Variants in NKAIN2 observed in about 807,000 individuals in gnomAD.
The protein encoded by NKAIN2 is sodium/potassium-transporting ATPase subunit beta-1-interacting protein 2.
Under a neutral mutation model 32.6 loss-of-function variants are expected in NKAIN2, and 14 were observed. The ratio of observed to expected loss-of-function variants is 0.43; its 90% CI spans 0.28 to 0.67. NKAIN2 has a LOEUF of 0.67. Ranked by LOEUF, NKAIN2 falls within the 30% of genes least tolerant of loss-of-function variation. The pLI is 0.17. For synonymous variants in NKAIN2, 80 were observed against 87.2 expected, an observed-to-expected ratio of 0.92 and a Z score of 0.46; for missense variants, 198 against 258.3, an observed-to-expected ratio of 0.77 and a Z score of 1.60.
At chr6:124,719,045 T>A (rs944106844) in intron 4 of NKAIN2, among the ~76,000 whole-genome samples, 11 of 152,226 alleles carry the variant, frequency 7.2e-5, no homozygotes, top group Non-Finnish European at 1.5e-5. Context: ...ATGTAATTTT[T>A]ATTGAGTTTT....
intron 3 of NKAIN2, among the ~76,000 whole-genome samples, chr6:124,449,014 A>T (rs1464389466): frequency 6.6e-6 from 1 of 152,122 alleles, no homozygotes; most frequent in Non-Finnish European, 1.5e-5. Context: ...AAATATATAC[A>T]TAATGTTACC....
chr6:124,736,447 A>T (rs1776946317), intron 4 of NKAIN2, among the ~76,000 whole-genome samples: 1 of 151,972 alleles, frequency 6.6e-6, no homozygotes, highest in South Asian at 2.1e-4. Flanking sequence ...TAGATACAAC[A>T]GCTTTATATT....
chr6:124,011,097 T>C (rs1780302197), intron 1 of NKAIN2, among the ~76,000 whole-genome samples: 1 of 152,210 alleles, frequency 6.6e-6, no homozygotes, highest in Non-Finnish European at 1.5e-5. Context: ...CTCTATGTTT[T>C]AATATCCAAC....
rs972037111 is a variant in NKAIN2 at position 124,804,759 on chromosome 6, C to T, written c.535+13360C>T. Among the ~76,000 whole-genome samples the T allele has an allele frequency of 2.0e-4, 31 of 152,160 alleles. 1 individual carries two copies. Among genetic ancestry groups the T allele is most frequent in the Admixed American group, 1.3e-3 (20 of 15,278 alleles). ...CCTAGTCAAAGAAAGGGGTGACAGACGGCACCTGGAAAATCGGATCACTCC... is the reference window on the plus strand; with the variant it reads ...CCTAGTCAAAGAAAGGGGTGACAGATGGCACCTGGAAAATCGGATCACTCC... On this transcript the variant is annotated intron_variant, in intron 5 of 6. Coordinates refer to ENST00000368417, the MANE Select transcript of NKAIN2 (RefSeq NM_001040214.3).
chr6:124,530,821 A>G (rs1297318987), intron 3 of NKAIN2, among the ~76,000 whole-genome samples: 1 of 152,206 alleles, frequency 6.6e-6, no homozygotes, highest in Non-Finnish European at 1.5e-5. Flanking sequence ...CCAAAGCTCC[A>G]AGAACCATGA....
intron 1 of NKAIN2, among the ~76,000 whole-genome samples, chr6:124,175,110 TC>T (rs1789091198): frequency 6.6e-6 from 1 of 152,134 alleles, no homozygotes; most frequent in South Asian, 2.1e-4. Flanking sequence ...ACTTGGGTTA[TC>T]AAAAGGTGGG....
At chr6:124,657,310 C>T (rs183657528) in intron 3 of NKAIN2, among the ~76,000 whole-genome samples, 11 of 152,198 alleles carry the variant, frequency 7.2e-5, no homozygotes, top group African/African-American at 2.6e-4. Flanking sequence ...ACTTATCTTC[C>T]TTCATGACTT....
intron 3 of NKAIN2, among the ~76,000 whole-genome samples, chr6:124,625,601 T>TTAAA (rs1491317836): frequency 1.2e-4 from 18 of 152,184 alleles, no homozygotes; most frequent in African/African-American, 4.1e-4. Flanking sequence ...TTTCAAACTC[T>TTAAA]TAAATAGCTT....
In NKAIN2 at chr6:124,241,167, T is replaced by C. The variant is rs1280775786; in HGVS notation, c.55-41838T>C. On this transcript the variant is annotated intron_variant, in intron 1 of 6. Coordinates refer to ENST00000368417, the MANE Select transcript of NKAIN2 (RefSeq NM_001040214.3). ...ATTGCTACAAAGATAATAAAATACC[T>C]AGAAATACAACTTACAAGGAATGTA... Among the ~76,000 whole-genome samples, 7 of 152,058 alleles carry C rather than the reference T, an allele frequency of 4.6e-5. No homozygotes were observed. In the East Asian group the frequency reaches 1.2e-3, roughly 25 times the overall value.
At chr6:124,071,055 C>A (rs1299185459) in intron 1 of NKAIN2, among the ~76,000 whole-genome samples, 1 of 152,116 alleles carries the variant, frequency 6.6e-6, no homozygotes. Context: ...CACATTTATT[C>A]ATTTTCTAAA....
chr6:124,687,525 T>C lies in NKAIN2; in HGVS notation c.474+29139T>C, dbSNP rs1345971273. 3.5e-3 allele frequency among the ~76,000 whole-genome samples: 21 copies of C among 6,064 alleles called. No homozygotes were observed. In the South Asian group the frequency reaches 0.12, roughly 36 times the overall value. The allele number at this position is 6,064 out of a possible 152,430, so 4.0% of individuals were successfully genotyped here. ...ATACATGGTATATATTCCATACATA[T>C]ACATACATGGTATATATTCCATACA... On this transcript the variant is annotated intron_variant, in intron 4 of 6. Coordinates refer to ENST00000368417, the MANE Select transcript of NKAIN2 (RefSeq NM_001040214.3).
At chr6:124,009,539 C>A (rs907370100) in intron 1 of NKAIN2, among the ~76,000 whole-genome samples, 30 of 152,004 alleles carry the variant, frequency 2.0e-4, no homozygotes, top group African/African-American at 5.1e-4. Context: ...TGTCTTGTCC[C>A]CCTCCCTCAG....
intron 1 of NKAIN2, among the ~76,000 whole-genome samples, chr6:124,165,063 A>T (rs1425184498): frequency 2.6e-5 from 4 of 152,090 alleles, no homozygotes. Context: ...TAAAATGAAG[A>T]TTACTTTATT....
At chr6:124,083,407 A>T (rs9388299) in intron 1 of NKAIN2, among the ~76,000 whole-genome samples, 14,171 of 151,884 alleles carry the variant, frequency 0.093, 659 homozygotes, top group East Asian at 0.13. Context: ...TTTAAACATA[A>T]AAAAGTATCA....
At chr6:123,840,517 A>G (rs1774825542) in intron 1 of NKAIN2, among the ~76,000 whole-genome samples, 2 of 152,122 alleles carry the variant, frequency 1.3e-5, no homozygotes, top group African/African-American at 2.4e-5. Context: ...ATTGAAGAAA[A>G]ACAATAATAA....
At chr6:124,592,012 G>A (rs1361647332) in intron 3 of NKAIN2, among the ~76,000 whole-genome samples, 1 of 152,166 alleles carries the variant, frequency 6.6e-6, no homozygotes, top group African/African-American at 2.4e-5. Context: ...TAAAGTTAAT[G>A]TTAGGTATTG....
At chr6:124,485,320 G>GC in intron 3 of NKAIN2, among the ~76,000 whole-genome samples, 1 of 152,058 alleles carries the variant, frequency 6.6e-6, no homozygotes, top group Non-Finnish European at 1.5e-5. Flanking sequence ...AAGAACCACT[G>GC]CCCTACATCA....
At chr6:124,611,833 A>G (rs1322966768) in intron 3 of NKAIN2, among the ~76,000 whole-genome samples, 1 of 152,286 alleles carries the variant, frequency 6.6e-6, no homozygotes. Flanking sequence ...CTTGAGGTAT[A>G]CATGTCGGCT....
chr6:124,280,921 C>T lies in NKAIN2; in HGVS notation c.55-2084C>T, dbSNP rs78138560. ...TTATATGCAAAGAATTACAGATTAG[C>T]TTGTTCAGTCTGCACAAACTTGTAA... On this transcript the variant is annotated intron_variant, in intron 1 of 6. Coordinates refer to ENST00000368417, the MANE Select transcript of NKAIN2 (RefSeq NM_001040214.3). Among the ~76,000 whole-genome samples the T allele has an allele frequency of 5.1e-3, 776 of 152,242 alleles. 4 individuals are homozygous for T. The highest frequency in any genetic ancestry group is 0.041 in the East Asian group (212 of 5,178).
Sources: allele counts gnomAD v4.1 joint callset (sites outside exome capture counted in the v4.1 genomes callset), GRCh38; gene constraint gnomAD v4.1.1; transcripts MANE v1.5; gene names NCBI Gene and HGNC (gene_info 2026-07-23, HGNC 2026-07-21).